PGM5: variants seen among roughly 807,000 people sequenced by gnomAD.
PGM5 encodes phosphoglucomutase-like protein 5.
PGM5 carries 23 observed loss-of-function variants against 59.2 expected under a neutral mutation model. The observed-to-expected ratio is 0.39, with a 90% CI of 0.28 to 0.55. The LOEUF is 0.55. Among genes scored for constraint, PGM5 ranks in the 20% least tolerant of loss-of-function variants. The pLI is 0.66. For missense variants in PGM5, 574 were observed against 748.3 expected (o/e 0.77, Z 2.72); for synonymous variants, 214 against 286.0 (o/e 0.75, Z 2.54).
At chr9:68,453,170 G>A (rs1823723658) in intron 6 of PGM5, among the ~76,000 whole-genome samples, 1 of 152,146 alleles carries the variant, frequency 6.6e-6, no homozygotes, top group African/African-American at 2.4e-5. Flanking sequence ...GAAATATCCT[G>A]CCAAAGTAGA....
At chr9:68,434,316 CAAAAAAAAAA>C (rs71353054) in intron 6 of PGM5, among the ~76,000 whole-genome samples, 35 of 90,862 alleles carry the variant, frequency 3.9e-4, no homozygotes, top group African/African-American at 1.1e-3. Context: ...GACTCCGTCT[CAAAAAAAAAA>C]AAAAAAAAAA....
intron 9 of PGM5, among the ~76,000 whole-genome samples, chr9:68,486,031 A>C (rs1824289376): frequency 6.6e-6 from 1 of 152,250 alleles, no homozygotes; most frequent in Non-Finnish European, 1.5e-5. Flanking sequence ...ATGCATCAGC[A>C]TTCAGCCCCA....
At chr9:68,410,864 T>C (rs574515646) in intron 6 of PGM5, among the ~76,000 whole-genome samples, 2 of 152,338 alleles carry the variant, frequency 1.3e-5, no homozygotes, top group East Asian at 3.9e-4. Context: ...TATTAAAATG[T>C]CTAGAAAGGG....
chr9:68,498,458 A>G (rs1479860467), intron 9 of PGM5: 1 of 152,184 alleles, frequency 6.6e-6, no homozygotes, highest in Non-Finnish European at 1.5e-5. Flanking sequence ...TGAGCCAGAC[A>G]AAGGCATGAA....
chr9:68,408,720 A>C (rs1822866389), intron 6 of PGM5, among the ~76,000 whole-genome samples: 1 of 152,178 alleles, frequency 6.6e-6, no homozygotes, highest in African/African-American at 2.4e-5. Context: ...CGAACGTTTA[A>C]GTCTTTAATC....
At chr9:68,516,221 T>C (rs1824821713) in intron 10 of PGM5, among the ~76,000 whole-genome samples, 1 of 152,222 alleles carries the variant, frequency 6.6e-6, no homozygotes, top group Non-Finnish European at 1.5e-5. Flanking sequence ...CACCCACCTA[T>C]AAAAAGTAAA....
chr9:68,378,017 A>C (rs532831814), intron 1 of PGM5, among the ~76,000 whole-genome samples, 182 bp from the exon 2 acceptor site: 31 of 151,118 alleles, frequency 2.1e-4, no homozygotes, highest in African/African-American at 6.4e-4. Flanking sequence ...AAATGGTCTT[A>C]GAGACATTAG....
intron 10 of PGM5, among the ~76,000 whole-genome samples, chr9:68,527,276 A>G (rs901538797): frequency 6.6e-6 from 1 of 152,236 alleles, no homozygotes; most frequent in African/African-American, 2.4e-5. Context: ...CGTAAGGTTC[A>G]AATTCATTTT....
intron 1 of PGM5, among the ~76,000 whole-genome samples, chr9:68,361,796 C>G (rs1834585017): frequency 6.6e-6 from 1 of 151,836 alleles, no homozygotes; most frequent in Non-Finnish European, 1.5e-5. Flanking sequence ...ACACGTTCAG[C>G]CCATTGCAAG....
chr9:68,431,908 G>A (rs1266040551), intron 6 of PGM5, among the ~76,000 whole-genome samples: 1 of 151,882 alleles, frequency 6.6e-6, no homozygotes. Flanking sequence ...ATGGGGGTGG[G>A]TGATCAAGAT....
chr9:68,431,596 G>T (rs1417954077), intron 6 of PGM5, among the ~76,000 whole-genome samples: 5 of 152,170 alleles, frequency 3.3e-5, no homozygotes, highest in Non-Finnish European at 7.4e-5. Context: ...GAAGGCTGTG[G>T]CAATGGAGTG....
chr9:68,527,815 A>G (rs958781534), intron 10 of PGM5, among the ~76,000 whole-genome samples: 45 of 152,224 alleles, frequency 3.0e-4, no homozygotes, highest in African/African-American at 1.1e-3. Context: ...TGCCAGATCA[A>G]TATTTCCAAA....
At chr9:68,520,141 TACATAA>T (rs1012342518) in intron 10 of PGM5, among the ~76,000 whole-genome samples, 15 of 149,594 alleles carry the variant, frequency 1.0e-4, no homozygotes, top group Non-Finnish European at 2.2e-4. Flanking sequence ...ACATCTTTTA[TACATAA>T]AAATACAGAA....
chr9:68,487,449 G>C (rs868939728), intron 9 of PGM5, among the ~76,000 whole-genome samples: 5 of 100,988 alleles, frequency 5.0e-5, no homozygotes, highest in Admixed American at 1.9e-4. Context: ...CTCTCTCTCT[G>C]TGTCACACGC....
intron 1 of PGM5, among the ~76,000 whole-genome samples, chr9:68,360,058 T>C (rs1834548709): frequency 1.3e-5 from 2 of 152,110 alleles, no homozygotes; most frequent in African/African-American, 4.8e-5. Flanking sequence ...TTGCCCAGTC[T>C]AGTCTCAAAC....
intron 6 of PGM5, among the ~76,000 whole-genome samples, chr9:68,432,950 A>G (rs1823379637): frequency 6.6e-6 from 1 of 152,144 alleles, no homozygotes; most frequent in Admixed American, 6.6e-5. Context: ...ATTCCGTTAT[A>G]CCATGATGGA....
chr9:68,504,666 C>T (rs1824628004), intron 10 of PGM5, among the ~76,000 whole-genome samples: 1 of 152,186 alleles, frequency 6.6e-6, no homozygotes, highest in Non-Finnish European at 1.5e-5. Flanking sequence ...CTTCTTACTT[C>T]CCTACCCTGC....
At chr9:68,400,670 A>T (rs1198854985) in intron 6 of PGM5, 1 of 152,628 alleles carries the variant, frequency 6.6e-6, no homozygotes, top group East Asian at 1.9e-4. Context: ...AATGGTGCAT[A>T]ATGACCCAAT....
At chr9:68,408,675 C>T (rs1225712396) in intron 6 of PGM5, among the ~76,000 whole-genome samples, 1 of 152,124 alleles carries the variant, frequency 6.6e-6, no homozygotes, top group African/African-American at 2.4e-5. Context: ...ATGGTAATGC[C>T]TAGGTTTTCT....
Sources: allele counts gnomAD v4.1 joint callset (sites outside exome capture counted in the v4.1 genomes callset), GRCh38; gene constraint gnomAD v4.1.1; transcripts MANE v1.5; gene names NCBI Gene and HGNC (gene_info 2026-07-23, HGNC 2026-07-21).